Variants in BLTP2 observed in about 807,000 individuals in gnomAD.
BLTP2 encodes bridge-like lipid transfer protein family member 2, also known as U937-associated antigen.
the BLTP2 span, chr17:28,620,398 A>C: frequency 3.2e-5 from 40 of 1,265,974 alleles, no homozygotes; most frequent in Non-Finnish European, 4.1e-5. Context: ...TACCAACCAC[A>C]AGGCCCTTTT....
chr17:28,629,360 G>C, the BLTP2 span, among the ~76,000 whole-genome samples: 1 of 151,870 alleles, frequency 6.6e-6, no homozygotes, highest in African/African-American at 2.4e-5. Flanking sequence ...GCATGATCTT[G>C]GCTAACTGCA....
chr17:28,635,190 C>A, the BLTP2 span: 4 of 1,614,040 alleles, frequency 2.5e-6, no homozygotes, highest in Middle Eastern at 6.6e-4. Context: ...GGTGGAGGAT[C>A]ATCTCTTCCA....
chr17:28,621,183 G>A, the BLTP2 span: 2 of 1,611,046 alleles, frequency 1.2e-6, no homozygotes, highest in Non-Finnish European at 1.7e-6. Flanking sequence ...GGGAAGAGGT[G>A]GGAAAGAGAT....
At chr17:28,640,800 T>C in the BLTP2 span, 1 of 922,928 alleles carries the variant, frequency 1.1e-6, no homozygotes, top group Non-Finnish European at 1.7e-6. Flanking sequence ...AGCAAATGCC[T>C]AAGCTGGATG....
the BLTP2 span, chr17:28,623,772 C>T: frequency 1.2e-6 from 2 of 1,613,926 alleles, no homozygotes; most frequent in Non-Finnish European, 1.7e-6. Context: ...CTAACCAGAG[C>T]TGTCGGCCAT....
At chr17:28,626,163 G>A in the BLTP2 span, among the ~76,000 whole-genome samples, 2 of 152,090 alleles carry the variant, frequency 1.3e-5, no homozygotes, top group African/African-American at 4.8e-5. Flanking sequence ...ACTACTCCCA[G>A]ATCTGTCTTC....
At chr17:28,639,226 TACATATTTAAC>T in the BLTP2 span, 1 of 1,350,276 alleles carries the variant, frequency 7.4e-7, no homozygotes, top group South Asian at 1.2e-5. Flanking sequence ...AACAACCAAA[TACATATTTAAC>T]ACAGGATGCC....
the BLTP2 span, chr17:28,624,087 G>A: frequency 1.0e-5 from 14 of 1,350,122 alleles, no homozygotes; most frequent in Non-Finnish European, 1.4e-5. Context: ...CTGGCTTTTA[G>A]ACATAGAAGT....
the BLTP2 span, chr17:28,616,661 A>G: frequency 6.2e-7 from 1 of 1,614,062 alleles, no homozygotes; most frequent in African/African-American, 1.3e-5. The surrounding 1 kb of genome is among the most constrained non-coding windows in gnomAD (Gnocchi z 4.8). Context: ...CACCAACTTC[A>G]TCATCTTCCA....
chr17:28,615,683 C>T, the BLTP2 span: 3 of 1,614,052 alleles, frequency 1.9e-6, no homozygotes, highest in Non-Finnish European at 2.5e-6. Context: ...CAGGGCTTTG[C>T]GGCTGTCCCT....
chr17:28,643,118 A>G, the BLTP2 span: 1 of 1,611,020 alleles, frequency 6.2e-7, no homozygotes, highest in Non-Finnish European at 8.5e-7. Flanking sequence ...CTCCAAAGCC[A>G]ACCATGCCAA....
the BLTP2 span, chr17:28,635,465 T>G: frequency 6.2e-7 from 1 of 1,614,094 alleles, no homozygotes; most frequent in Non-Finnish European, 8.5e-7. Flanking sequence ...GTTCCTGAAG[T>G]CTCTAGTGCA....
the BLTP2 span, chr17:28,628,647 C>T: frequency 8.7e-7 from 1 of 1,143,518 alleles, no homozygotes; most frequent in South Asian, 1.5e-5. Flanking sequence ...GAATAAGAAA[C>T]CTGTTGGCCA....
At chr17:28,615,116 C>T in the BLTP2 span, 1 of 1,614,136 alleles carries the variant, frequency 6.2e-7, no homozygotes, top group East Asian at 2.2e-5. Context: ...GTCGCCCACA[C>T]TTAAACCAAT....
At chr17:28,620,497 G>C in the BLTP2 span, 2 of 1,613,920 alleles carry the variant, frequency 1.2e-6, no homozygotes, top group Non-Finnish European at 8.5e-7. Flanking sequence ...TTCTACAAGG[G>C]CCCATGCTCA....
the BLTP2 span, chr17:28,642,389 C>G: frequency 6.8e-7 from 1 of 1,479,204 alleles, no homozygotes; most frequent in Non-Finnish European, 9.4e-7. Context: ...CGGTGGCTCA[C>G]GCCTGTAACC....
chr17:28,634,222 A>G, the BLTP2 span: 1 of 792,160 alleles, frequency 1.3e-6, no homozygotes, highest in Non-Finnish European at 2.0e-6. Flanking sequence ...GGCAGTTGAC[A>G]CAGCAAGCTG....
the BLTP2 span, among the ~76,000 whole-genome samples, chr17:28,636,638 A>G: frequency 6.6e-6 from 1 of 152,328 alleles, no homozygotes; most frequent in South Asian, 2.1e-4. Context: ...AATTCTCTCT[A>G]GTTTTGTATG....
the BLTP2 span, chr17:28,621,113 C>T: frequency 1.2e-6 from 2 of 1,614,144 alleles, no homozygotes; most frequent in South Asian, 1.1e-5. Flanking sequence ...GCAGTTGCAA[C>T]GCGAAATGAT....
Sources: allele counts gnomAD v4.1 joint callset (sites outside exome capture counted in the v4.1 genomes callset), GRCh38; gene constraint gnomAD v4.1.1; non-coding constraint Gnocchi (gnomAD v3.1); transcripts MANE v1.5; gene names NCBI Gene and HGNC (gene_info 2026-07-23, HGNC 2026-07-21).